Variants in FAM227A observed in about 807,000 individuals in gnomAD.
FAM227A encodes protein FAM227A.
Under a neutral mutation model 74.7 loss-of-function variants are expected in FAM227A, and 80 were observed. The observed-to-expected ratio is 1.07, with a 90% CI of 0.89 to 1.29. The LOEUF (loss-of-function observed/expected upper bound fraction) is 1.29, where lower values mean the gene tolerates loss of function less well. FAM227A is among the 50% of genes most tolerant of loss of function. The pLI, the probability that FAM227A is intolerant of heterozygous loss-of-function variation, is 0.00. For missense variants in FAM227A, 654 were observed against 683.4 expected (o/e 0.96, Z 0.48); for synonymous variants, 237 against 241.8 (o/e 0.98, Z 0.19).
At chr22:38,615,160 T>C (rs1435367993) in intron 11 of FAM227A, among the ~76,000 whole-genome samples, 1 of 152,132 alleles carries the variant, frequency 6.6e-6, no homozygotes, top group Non-Finnish European at 1.5e-5. Context: ...GTAGCTGGGA[T>C]TATAGGCACG....
intron 8 of FAM227A, among the ~76,000 whole-genome samples, chr22:38,626,548 C>G (rs12166403): frequency 6.6e-6 from 1 of 151,612 alleles, no homozygotes; most frequent in African/African-American, 2.4e-5. Context: ...CTTGGCTATA[C>G]TCTTTAATTT....
At chr22:38,649,926 A>T (rs2092299841) in intron 2 of FAM227A, 101 bp downstream of exon 2, 8 of 1,025,832 alleles carry the variant, frequency 7.8e-6, no homozygotes, top group Non-Finnish European at 1.1e-5. Flanking sequence ...CAAGCTAATA[A>T]GTAATGTGCA....
At chr22:38,644,259 G>A (rs1346717161) in intron 3 of FAM227A, among the ~76,000 whole-genome samples, 1 of 151,536 alleles carries the variant, frequency 6.6e-6, no homozygotes, top group African/African-American at 2.4e-5. Context: ...GGCATTATGG[G>A]AAAGGTAAAA....
intron 2 of FAM227A, among the ~76,000 whole-genome samples, chr22:38,648,793 T>C (rs1223521854): frequency 2.0e-5 from 3 of 150,928 alleles, no homozygotes; most frequent in Non-Finnish European, 4.4e-5. Flanking sequence ...ACAAACATGG[T>C]GAAACCCCGT....
chr22:38,591,385 T>C (rs2146145111), intron 16 of FAM227A, 50 bp downstream of exon 16: 1 of 1,536,814 alleles, frequency 6.5e-7, no homozygotes, highest in Non-Finnish European at 8.8e-7. Flanking sequence ...ACCTTTCCCA[T>C]GGTTTTTGTT....
Position 38,636,520 on chromosome 22 carries a change from C to G in FAM227A, c.450G>C (p.Pro150=). Residue 150 remains proline (P), a synonymous_variant, in exon 6 of 17, where the codon CCG becomes CCC. Transcript: ENST00000535113. ...CCATGTCACAGAAGTCCACGCCATTCGGAAGCTTGTTTGGCTTGGAGCTGT... is the reference window on the plus strand; with the variant it reads ...CCATGTCACAGAAGTCCACGCCATTGGGAAGCTTGTTTGGCTTGGAGCTGT... ...NFNSSKPNKL[P]NGVDFCDMVG... 1 of 1,551,666 alleles carries G rather than the reference C, an allele frequency of 6.4e-7. No homozygotes were observed. The highest frequency in any genetic ancestry group is 8.7e-7 in the Non-Finnish European group (1 of 1,146,972).
chr22:38,644,204 G>T (rs1475531892), intron 3 of FAM227A, among the ~76,000 whole-genome samples: 8 of 139,436 alleles, frequency 5.7e-5, no homozygotes, highest in African/African-American at 2.1e-4. Flanking sequence ...CTAAGTGAAA[G>T]AAGCCAACGT....
At position 38,635,021 on chromosome 22, in the gene FAM227A, C is replaced by T. The variant is rs1426724549; in HGVS notation, c.519+1430G>A. Reference sequence around the variant, plus strand: ...CAGCACTTTGGGAGGCTGAGGCGGGCGGATCACAAGGTCAGGAGATCGAGA... The same window carrying T: ...CAGCACTTTGGGAGGCTGAGGCGGGTGGATCACAAGGTCAGGAGATCGAGA... On this transcript the variant is annotated intron_variant, in intron 6 of 16. Coordinates refer to ENST00000535113, the MANE Select transcript of FAM227A (RefSeq NM_001013647.2). 3.3e-5 allele frequency among the ~76,000 whole-genome samples: 5 copies of T among 151,666 alleles called. No individual in the cohort carries two copies. The East Asian group carries it at 5.8e-4, about 18-fold the overall frequency.
In FAM227A at chr22:38,591,507, A is replaced by G. The variant is rs1266042045; in HGVS notation, c.1566T>C (p.Asp522=). The change falls in exon 16 of 17, where the codon GAT becomes GAC. Residue 522 remains aspartate (D), a synonymous_variant. Coordinates refer to ENST00000535113, the MANE Select transcript of FAM227A (RefSeq NM_001013647.2). ...TGAACATGTGGTTTGCCTTTTTTGTATCTGCTGCTTTTGGATCAATATTCT... is the reference window on the plus strand; with the variant it reads ...TGAACATGTGGTTTGCCTTTTTTGTGTCTGCTGCTTTTGGATCAATATTCT... ...EMKNIDPKAA[D]TKKANHMFIP... 6.5e-7 allele frequency: 1 copy of G among 1,548,446 alleles called. No homozygotes were observed. The highest frequency in any genetic ancestry group is 2.5e-5 in the East Asian group (1 of 40,816).
chr22:38,584,901 ATTC>A lies in FAM227A; in HGVS notation c.*1221_*1223del, dbSNP rs1253724244. 6.6e-6 allele frequency: 1 copy of A among 152,036 alleles called. No individual in the cohort carries two copies. The highest frequency in any genetic ancestry group is 2.4e-5 in the African/African-American group (1 of 41,354). 9.4% of individuals were successfully genotyped at this position (152,036 alleles called of 1,614,324 possible). A position where few individuals can be genotyped will look rare whatever the true frequency, so the allele number is the denominator to read the frequency against. The stretch of plus-strand genomic sequence containing the variant: ...AACCTCCGCCACCTGGGTTCCAACG[ATTC>A]TTCTGCCTCAGCCTCCCGAGTAGCT... On this transcript the variant is annotated 3_prime_UTR_variant, in exon 17 of 17. Coordinates refer to ENST00000535113, the MANE Select transcript of FAM227A (RefSeq NM_001013647.2).
chr22:38,649,147 C>T (rs868673732), intron 2 of FAM227A, among the ~76,000 whole-genome samples: 4 of 152,160 alleles, frequency 2.6e-5, no homozygotes, highest in South Asian at 4.1e-4. Flanking sequence ...ATTCTTTCCA[C>T]AAATACTTCC....
chr22:38,650,069 T>A lies in FAM227A; in HGVS notation c.100A>T (p.Met34Leu). 1 of 1,552,172 alleles carries A rather than the reference T, an allele frequency of 6.4e-7. No individual in the cohort carries two copies. The highest frequency in any genetic ancestry group is 8.7e-7 in the Non-Finnish European group (1 of 1,147,104). ...AACTCCTTCCTCACAGTCTTCACCA[T>A]TGTATTCCGTGCGACAAGCGAGACA... ...LAVSLVARNT[M>L]VKTVRKELEN... is the part of the protein sequence containing the mutation. The change falls in exon 2 of 17, where the codon ATG becomes TTG. Residue 34 changes from methionine to leucine, a missense_variant. By Grantham distance (15) the Met-to-Leu change is conservative. Transcript: ENST00000535113.
Position 38,582,736 on chromosome 22 carries a change from G to C in FAM227A, c.*3389C>G. On this transcript the variant is annotated 3_prime_UTR_variant, in exon 17 of 17. Transcript: ENST00000535113. ...TAGAAAATAAGGAGACCTTCTTGCTGTATGGGGGCTAATAGTAGCGGTGGA... is the reference window on the plus strand; with the variant it reads ...TAGAAAATAAGGAGACCTTCTTGCTCTATGGGGGCTAATAGTAGCGGTGGA... 7.8e-7 allele frequency: 1 copy of C among 1,284,502 alleles called. No homozygotes were observed. Among genetic ancestry groups the C allele is most frequent in the Non-Finnish European group, 1.1e-6 (1 of 921,774 alleles). 79.6% of individuals were successfully genotyped at this position (1,284,502 alleles called of 1,614,324 possible).
At chr22:38,595,137 T>C (rs1320343584) in intron 15 of FAM227A, among the ~76,000 whole-genome samples, 1 of 152,196 alleles carries the variant, frequency 6.6e-6, no homozygotes, top group Non-Finnish European at 1.5e-5. Flanking sequence ...AATTGTATTA[T>C]ATTGCATAAC....
intron 3 of FAM227A, among the ~76,000 whole-genome samples, chr22:38,645,242 T>G (rs373497202): frequency 6.6e-6 from 1 of 151,062 alleles, no homozygotes; most frequent in African/African-American, 2.4e-5. Context: ...AATACAAAAA[T>G]TAGCTGGGCA....
chr22:38,651,066 T>C (rs2092315085), intron 1 of FAM227A, among the ~76,000 whole-genome samples: 1 of 152,180 alleles, frequency 6.6e-6, no homozygotes, highest in South Asian at 2.1e-4. Context: ...TCCACAGACA[T>C]GCATCTTACA....
chr22:38,650,316 C>G (rs1171538670), intron 1 of FAM227A, 54 bp from the exon 2 acceptor site: 1 of 741,344 alleles, frequency 1.3e-6, no homozygotes. Context: ...AAGAAAAGCC[C>G]AACCATGTTC....
At chr22:38,631,857 G>A (rs574917173) in intron 6 of FAM227A, among the ~76,000 whole-genome samples, 1 of 152,340 alleles carries the variant, frequency 6.6e-6, no homozygotes, top group East Asian at 1.9e-4. Context: ...TGTACAAGAC[G>A]CACTGGAGGG....
chr22:38,636,773 T>C, intron 5 of FAM227A, among the ~76,000 whole-genome samples, 176 bp from the exon 6 acceptor site: 1 of 144,660 alleles, frequency 6.9e-6, no homozygotes, highest in East Asian at 2.0e-4. Flanking sequence ...ATTATTTCTT[T>C]TTTTTTTTTT....
Sources: allele counts gnomAD v4.1 joint callset (sites outside exome capture counted in the v4.1 genomes callset), GRCh38; gene constraint gnomAD v4.1.1; transcripts MANE v1.5; gene names NCBI Gene and HGNC (gene_info 2026-07-23, HGNC 2026-07-21).